The following MAPKAP1 variants were observed in gnomAD, a reference collection of about 807,000 sequenced individuals.
MAPKAP1 encodes target of rapamycin complex 2 subunit MAPKAP1.
In MAPKAP1, 20 loss-of-function variants were observed where a neutral mutation model predicts 65.7. The ratio of observed to expected loss-of-function variants is 0.30; its 90% CI spans 0.21 to 0.44. The LOEUF (loss-of-function observed/expected upper bound fraction) is 0.44, where lower values mean the gene tolerates loss of function less well. MAPKAP1 is among the 20% of genes least tolerant of loss of function. The pLI, the probability that MAPKAP1 is intolerant of heterozygous loss-of-function variation, is 1.00. For missense variants in MAPKAP1, 423 were observed against 648.0 expected, an observed-to-expected ratio of 0.65 and a Z score of 3.77; for synonymous variants, 222 against 244.3, an observed-to-expected ratio of 0.91 and a Z score of 0.85.
intron 10 of MAPKAP1, among the ~76,000 whole-genome samples, chr9:125,455,387 T>G (rs1853126396): frequency 6.6e-6 from 1 of 152,226 alleles, no homozygotes; most frequent in Non-Finnish European, 1.5e-5. Flanking sequence ...GCTTCCTTTT[T>G]CACCTCTACT....
intron 4 of MAPKAP1, among the ~76,000 whole-genome samples, chr9:125,599,421 T>C (rs981444240): frequency 6.6e-6 from 1 of 152,160 alleles, no homozygotes; most frequent in African/African-American, 2.4e-5. Flanking sequence ...CTCATGAAAT[T>C]TGAACAAATC....
At chr9:125,664,596 A>G (rs7866884) in intron 3 of MAPKAP1, among the ~76,000 whole-genome samples, 3,102 of 149,858 alleles carry the variant, frequency 0.021, 40 homozygotes, top group South Asian at 0.042. Context: ...GTGGTGGCAG[A>G]TGCCTGTAAT....
chr9:125,660,519 A>G (rs1834153792), intron 3 of MAPKAP1, among the ~76,000 whole-genome samples: 1 of 151,992 alleles, frequency 6.6e-6, no homozygotes, highest in African/African-American at 2.4e-5. Flanking sequence ...AACCCTAAAC[A>G]CTCCCTGAAA....
chr9:125,536,546 T>G (rs1458738669), intron 7 of MAPKAP1, among the ~76,000 whole-genome samples: 2 of 151,884 alleles, frequency 1.3e-5, no homozygotes, highest in Non-Finnish European at 2.9e-5. Flanking sequence ...AATTTACTGC[T>G]TTTTGACAAA....
At chr9:125,577,094 C>T (rs1831433457) in intron 5 of MAPKAP1, among the ~76,000 whole-genome samples, 1 of 151,882 alleles carries the variant, frequency 6.6e-6, no homozygotes, top group Non-Finnish European at 1.5e-5. Context: ...TCCCGGCCGC[C>T]ATCCCATCTA....
In MAPKAP1 at chr9:125,537,636, C is replaced by T. The variant is rs78257689; in HGVS notation, c.958+5423G>A. Among the ~76,000 whole-genome samples, 1,952 of 152,296 alleles carry T rather than the reference C, an allele frequency of 0.013. 122 individuals carry two copies. In the East Asian group the frequency reaches 0.2, roughly 16 times the overall value. On this transcript the variant is annotated intron_variant, in intron 7 of 11. Transcript: ENST00000265960. ...CACTGGGACTACACGCATGTGCCAC[C>T]ATGCCTGGCTAATTTTTTAAATTTT...
intron 7 of MAPKAP1, among the ~76,000 whole-genome samples, chr9:125,530,068 A>G (rs1252273308): frequency 6.6e-6 from 1 of 152,248 alleles, no homozygotes; most frequent in African/African-American, 2.4e-5. Context: ...CAGCTCCAGT[A>G]TCAGGCCTCT....
chr9:125,559,061 TTAC>T (rs1222250843), intron 6 of MAPKAP1: 3 of 152,394 alleles, frequency 2.0e-5, no homozygotes, highest in African/African-American at 7.2e-5. Flanking sequence ...GCCACACATA[TTAC>T]TATATCATGA....
At chr9:125,592,128 T>C (rs1159712923) in intron 4 of MAPKAP1, among the ~76,000 whole-genome samples, 2 of 152,190 alleles carry the variant, frequency 1.3e-5, no homozygotes, top group Non-Finnish European at 2.9e-5. Flanking sequence ...TGACATACAA[T>C]GCAGACCAGA....
chr9:125,519,970 A>T (rs954760742), intron 7 of MAPKAP1, among the ~76,000 whole-genome samples: 10 of 152,076 alleles, frequency 6.6e-5, no homozygotes, highest in African/African-American at 2.4e-4. Flanking sequence ...AAGCTTAATA[A>T]AGTGTGTATC....
At chr9:125,479,055 C>CGGG (rs1245612349) in intron 9 of MAPKAP1, among the ~76,000 whole-genome samples, 4 of 152,154 alleles carry the variant, frequency 2.6e-5, no homozygotes, top group African/African-American at 4.8e-5. Flanking sequence ...TAGATTTTTC[C>CGGG]TACACCCCAG....
intron 1 of MAPKAP1, among the ~76,000 whole-genome samples, chr9:125,692,850 C>A (rs1192834004): frequency 1.3e-5 from 2 of 152,124 alleles, no homozygotes; most frequent in Admixed American, 6.5e-5. Flanking sequence ...AAATAGACAT[C>A]AAATTCCTCA....
intron 7 of MAPKAP1, among the ~76,000 whole-genome samples, chr9:125,541,844 G>C (rs141972813): frequency 8.6e-4 from 131 of 152,380 alleles, no homozygotes; most frequent in African/African-American, 3.0e-3. Context: ...CTTGTGGGAA[G>C]ATCATCATCA....
chr9:125,557,219 T>C (rs1830762287), intron 6 of MAPKAP1, among the ~76,000 whole-genome samples: 1 of 152,156 alleles, frequency 6.6e-6, no homozygotes, highest in South Asian at 2.1e-4. Flanking sequence ...TGGAAAGGCA[T>C]ATGAATCCTA....
chr9:125,513,863 T>C (rs367831061), intron 7 of MAPKAP1, among the ~76,000 whole-genome samples: 17 of 152,150 alleles, frequency 1.1e-4, no homozygotes, highest in African/African-American at 3.9e-4. Context: ...GGTGCATATC[T>C]ATTTAAACAA....
chr9:125,577,591 CGCCCCGTCCGGG>C (rs1564566891), intron 5 of MAPKAP1, among the ~76,000 whole-genome samples: 7 of 120,646 alleles, frequency 5.8e-5, no homozygotes, highest in Non-Finnish European at 9.0e-5. Flanking sequence ...CCCTGCCAGC[CGCCCCGTCCGGG>C]AGGGAGGTGG....
chr9:125,485,281 C>T (rs1443358426), intron 8 of MAPKAP1, among the ~76,000 whole-genome samples: 2 of 152,204 alleles, frequency 1.3e-5, no homozygotes, highest in Non-Finnish European at 2.9e-5. Flanking sequence ...GGCTCTTCCT[C>T]TGCAGTCCAG....
intron 6 of MAPKAP1, among the ~76,000 whole-genome samples, chr9:125,543,969 G>A (rs1215855893): frequency 6.6e-6 from 1 of 152,102 alleles, no homozygotes; most frequent in Non-Finnish European, 1.5e-5. Context: ...TAATTGAGAA[G>A]GAGGAAAAGA....
At chr9:125,454,808 T>A (rs1272357036) in intron 10 of MAPKAP1, among the ~76,000 whole-genome samples, 3 of 152,154 alleles carry the variant, frequency 2.0e-5, no homozygotes, top group African/African-American at 7.2e-5. Flanking sequence ...AGAAACCAGA[T>A]AACCAAGCAA....
Sources: gnomAD v4.1 joint callset for allele counts (sites outside exome capture counted in the v4.1 genomes callset) on GRCh38, gnomAD v4.1.1 for gene constraint, MANE v1.5 for transcripts, NCBI Gene and HGNC (gene_info 2026-07-23, HGNC 2026-07-21) for gene names.